Variants in ADK observed in about 807,000 individuals in gnomAD.
ADK encodes adenosine kinase.
ADK carries 24 observed loss-of-function variants against 44.7 expected under a neutral mutation model. The ratio of observed to expected loss-of-function variants is 0.54; its 90% CI spans 0.39 to 0.76. ADK has a LOEUF of 0.76. Among genes scored for constraint, ADK ranks in the 30% least tolerant of loss-of-function variants. ADK has a pLI of 0.00. For synonymous variants in ADK, 128 were observed against 142.6 expected (o/e 0.90, Z 0.73); for missense variants, 321 against 425.1 (o/e 0.76, Z 2.15).
At chr10:74,282,253 G>A (rs967993498) in intron 3 of ADK, among the ~76,000 whole-genome samples, 2 of 152,038 alleles carry the variant, frequency 1.3e-5, no homozygotes, top group African/African-American at 4.8e-5. Flanking sequence ...AACTATTTGT[G>A]GTGAACTTTT....
intron 10 of ADK, among the ~76,000 whole-genome samples, chr10:74,687,273 A>G (rs1408121140): frequency 6.6e-6 from 1 of 152,184 alleles, no homozygotes; most frequent in Admixed American, 6.5e-5. Context: ...GTTCTTCACT[A>G]ATTAATCCTA....
chr10:74,151,418 C>T, intron 1 of ADK, 75 bp downstream of exon 1: 1 of 1,475,912 alleles, frequency 6.8e-7, no homozygotes, highest in Non-Finnish European at 9.3e-7. Context: ...GTTGCACGGC[C>T]CCGACGCTGG....
At chr10:74,180,509 G>A (rs1842505327) in intron 1 of ADK, among the ~76,000 whole-genome samples, 1 of 146,186 alleles carries the variant, frequency 6.8e-6, no homozygotes, top group Admixed American at 6.9e-5. Context: ...ACCCAGGCTG[G>A]AGTGCAGTGG....
chr10:74,530,275 A>T (rs1400788740), intron 7 of ADK, among the ~76,000 whole-genome samples: 1 of 152,202 alleles, frequency 6.6e-6, no homozygotes, highest in East Asian at 1.9e-4. Flanking sequence ...AATGTGACGA[A>T]GGATAAAATA....
intron 4 of ADK, among the ~76,000 whole-genome samples, chr10:74,383,683 T>G (rs1384944959): frequency 3.3e-5 from 5 of 152,264 alleles, no homozygotes; most frequent in South Asian, 2.1e-4. Flanking sequence ...ACATTAGGTT[T>G]TATGAAGAGT....
intron 9 of ADK, among the ~76,000 whole-genome samples, chr10:74,662,595 A>G (rs756234344): frequency 3.9e-5 from 6 of 152,158 alleles, no homozygotes; most frequent in African/African-American, 7.2e-5. Context: ...TTTCATATCA[A>G]AGATGAGATT....
At chr10:74,305,586 ACT>A (rs1840217916) in intron 3 of ADK, among the ~76,000 whole-genome samples, 1 of 148,746 alleles carries the variant, frequency 6.7e-6, no homozygotes, top group South Asian at 2.1e-4. Context: ...CCTTGGTTCC[ACT>A]CTCTGTGTTC....
intron 10 of ADK, among the ~76,000 whole-genome samples, chr10:74,673,167 G>A (rs899159923): frequency 1.3e-5 from 2 of 152,152 alleles, no homozygotes; most frequent in African/African-American, 4.8e-5. Flanking sequence ...GGAAAAGAAA[G>A]AAAAACTGAA....
At chr10:74,331,577 G>A (rs1841219490) in intron 4 of ADK, among the ~76,000 whole-genome samples, 1 of 152,124 alleles carries the variant, frequency 6.6e-6, no homozygotes, top group Admixed American at 6.6e-5. Context: ...TCCGCCTCCT[G>A]GGTTCAAGTG....
rs113708728 is a variant in ADK, at chr10:74,419,330, C to G, written c.555+20751C>G. 5.1e-3 allele frequency among the ~76,000 whole-genome samples: 771 copies of G among 152,168 alleles called. 12 individuals are homozygous for G. The highest frequency in any genetic ancestry group is 0.017 in the African/African-American group (710 of 41,518). On this transcript the variant is annotated intron_variant, in intron 6 of 10. Coordinates refer to ENST00000539909, the MANE Select transcript of ADK (RefSeq NM_006721.4). ...TCAGTCTTTGAAGTATTTCCCCCCC[C>G]CAAAAATCCCTTATTTAAATTTTTT... is the stretch of plus-strand genomic sequence containing the variant.
chr10:74,400,129 T>A (rs147376199), intron 6 of ADK, among the ~76,000 whole-genome samples: 4 of 152,162 alleles, frequency 2.6e-5, no homozygotes, highest in Non-Finnish European at 4.4e-5. Flanking sequence ...TTGTACAGCA[T>A]AAAGTGATCA....
At chr10:74,589,172 A>G (rs551356600) in intron 7 of ADK, 110 bp from the exon 8 acceptor site, 2 of 892,512 alleles carry the variant, frequency 2.2e-6, no homozygotes, top group African/African-American at 3.4e-5. Context: ...CTATGTGGGT[A>G]TATTGAGATA....
intron 3 of ADK, among the ~76,000 whole-genome samples, chr10:74,269,707 C>G (rs1459421685): frequency 3.3e-5 from 5 of 152,164 alleles, no homozygotes; most frequent in African/African-American, 1.2e-4. Context: ...GCAGGCAGAT[C>G]ACTTGAGCTC....
At chr10:74,283,922 C>T (rs527579828) in intron 3 of ADK, among the ~76,000 whole-genome samples, 123 of 151,502 alleles carry the variant, frequency 8.1e-4, no homozygotes, top group African/African-American at 2.8e-3. Flanking sequence ...CCTTGTGATC[C>T]GCCTGCCTAG....
chr10:74,585,052 T>C (rs1851486610), intron 7 of ADK, among the ~76,000 whole-genome samples: 1 of 152,238 alleles, frequency 6.6e-6, no homozygotes, highest in Non-Finnish European at 1.5e-5. Flanking sequence ...TTTCCTTTCC[T>C]GCATAATCTG....
intron 4 of ADK, among the ~76,000 whole-genome samples, chr10:74,326,016 A>G (rs1408314007): frequency 2.0e-5 from 3 of 151,936 alleles, no homozygotes; most frequent in Non-Finnish European, 4.4e-5. Context: ...TTGTATTTTT[A>G]GTAGAGAGGG....
chr10:74,414,311 GT>G (rs770720907), intron 6 of ADK, among the ~76,000 whole-genome samples: 1 of 152,162 alleles, frequency 6.6e-6, no homozygotes, highest in Non-Finnish European at 1.5e-5. Context: ...TAGTGTTAGA[GT>G]TCAGTTTCTA....
At chr10:74,465,360 A>G (rs1255525870) in intron 6 of ADK, among the ~76,000 whole-genome samples, 2 of 152,210 alleles carry the variant, frequency 1.3e-5, no homozygotes, top group Non-Finnish European at 2.9e-5. Context: ...TTACACTGGG[A>G]AAGAGTCTAG....
chr10:74,489,915 C>T (rs531605704), intron 6 of ADK, among the ~76,000 whole-genome samples: 6 of 151,996 alleles, frequency 3.9e-5, no homozygotes, highest in Admixed American at 1.3e-4. Context: ...ATTTGCAATG[C>T]TCTCTTAAGA....
Sources: allele counts gnomAD v4.1 joint callset (sites outside exome capture counted in the v4.1 genomes callset), GRCh38; gene constraint gnomAD v4.1.1; transcripts MANE v1.5; gene names NCBI Gene and HGNC (gene_info 2026-07-23, HGNC 2026-07-21).